Variants in ADGRF5 observed in about 807,000 individuals in gnomAD.
ADGRF5 encodes the protein adhesion G protein-coupled receptor F5, also known as G-protein coupled receptor 116.
In ADGRF5, 75 loss-of-function variants were observed where a neutral mutation model predicts 132.3. The ratio of observed to expected loss-of-function variants is 0.57; its 90% CI spans 0.47 to 0.69. The LOEUF (loss-of-function observed/expected upper bound fraction) is 0.69. ADGRF5 is among the 30% of genes least tolerant of loss of function. The pLI is 0.00. For missense variants in ADGRF5, 1,516 were observed against 1,630.6 expected (o/e 0.93, Z 1.21); for synonymous variants, 629 against 597.6 (o/e 1.05, Z -0.77).
intron 1 of ADGRF5, among the ~76,000 whole-genome samples, chr6:46,953,737 G>T (rs1043202366): frequency 7.1e-6 from 1 of 140,296 alleles, no homozygotes; most frequent in South Asian, 2.3e-4. Context: ...CAAGACCCCT[G>T]TAGCAGGGTA....
chr6:46,862,283 G>A (rs1282043866), intron 15 of ADGRF5, among the ~76,000 whole-genome samples: 1 of 152,140 alleles, frequency 6.6e-6, no homozygotes, highest in Non-Finnish European at 1.5e-5. Context: ...AATTTTAGGA[G>A]TCTAACAACA....
At chr6:46,953,596 G>A (rs113416477) in intron 1 of ADGRF5, among the ~76,000 whole-genome samples, 11 of 135,236 alleles carry the variant, frequency 8.1e-5, no homozygotes, top group African/African-American at 2.2e-4. Flanking sequence ...CAGGCTGGGC[G>A]ACAGAGTGAG....
At chr6:46,935,791 A>G (rs1175766375) in intron 1 of ADGRF5, among the ~76,000 whole-genome samples, 2 of 152,184 alleles carry the variant, frequency 1.3e-5, no homozygotes, top group African/African-American at 4.8e-5. Flanking sequence ...CCAAGCCTCC[A>G]GGGTCACCTG....
At chr6:46,861,034 G>T in intron 15 of ADGRF5, 140 bp from the exon 16 acceptor site, 2 of 632,256 alleles carry the variant, frequency 3.2e-6, no homozygotes, top group East Asian at 5.5e-5. Flanking sequence ...CCCATAAGAT[G>T]ATGTGCTTAT....
At chr6:46,863,568 C>T (rs1381811222) in intron 14 of ADGRF5, among the ~76,000 whole-genome samples, 1 of 152,142 alleles carries the variant, frequency 6.6e-6, no homozygotes, top group Non-Finnish European at 1.5e-5. Context: ...ATATTCTAAT[C>T]AATATGTTTA....
At chr6:46,875,430 T>C (rs1056239836) in intron 10 of ADGRF5, among the ~76,000 whole-genome samples, 1 of 152,234 alleles carries the variant, frequency 6.6e-6, no homozygotes, top group African/African-American at 2.4e-5. Context: ...TGATGGTACC[T>C]GCTTTGCAAG....
intron 1 of ADGRF5, among the ~76,000 whole-genome samples, chr6:46,952,276 T>C (rs966256657): frequency 8.5e-5 from 13 of 152,182 alleles, no homozygotes; most frequent in Admixed American, 7.2e-4. Flanking sequence ...TCAGTTTTCC[T>C]TAATACTTCC....
chr6:46,942,764 T>C (rs1289172069), intron 1 of ADGRF5, among the ~76,000 whole-genome samples: 1 of 152,220 alleles, frequency 6.6e-6, no homozygotes, highest in African/African-American at 2.4e-5. Flanking sequence ...TCTAGACTGC[T>C]AATATTTCTT....
At chr6:46,877,281 TTC>T (rs1347391362) in intron 10 of ADGRF5, among the ~76,000 whole-genome samples, 1 of 55,560 alleles carries the variant, frequency 1.8e-5, no homozygotes, top group Non-Finnish European at 3.6e-5. Flanking sequence ...CTTTCTTTCT[TTC>T]TTTCTTTCTC....
Position 46,914,234 on chromosome 6 carries a change from C to G in ADGRF5, c.-24-7448G>C, listed in dbSNP as rs868744878. ...GATAGAATGCCATCAGCAACCTACT[C>G]CCTGAACTGTAGAAGTACAGATTAA... On this transcript the variant is annotated intron_variant, in intron 1 of 20. Coordinates refer to ENST00000283296, the MANE Select transcript of ADGRF5 (RefSeq NM_001098518.2). Among the ~76,000 whole-genome samples the G allele has an allele frequency of 2.0e-5, 3 of 152,176 alleles. No individual in the cohort carries two copies. The South Asian group carries it at 6.2e-4, about 31-fold the overall frequency.
At chr6:46,923,937 A>G (rs1463205075), upstream of ADGRF5, among the ~76,000 whole-genome samples, 3 of 152,186 alleles carry the variant, frequency 2.0e-5, no homozygotes, top group Admixed American at 1.3e-4. Context: ...CTGAACCCAA[A>G]TTTCTTGAAC....
chr6:46,894,806 G>A (rs1287132528), intron 3 of ADGRF5, among the ~76,000 whole-genome samples: 2 of 152,190 alleles, frequency 1.3e-5, no homozygotes, highest in African/African-American at 4.8e-5. Flanking sequence ...GCATATAGTT[G>A]CCAGTAAAAT....
chr6:46,863,427 C>T, intron 14 of ADGRF5: 1 of 418,834 alleles, frequency 2.4e-6, no homozygotes, highest in South Asian at 1.9e-5. Context: ...TCGGAATCGT[C>T]AGAGCGGGAT....
At position 46,878,363 on chromosome 6, in the gene ADGRF5, T is replaced by C; in HGVS notation, c.1079A>G (p.Glu360Gly). The change falls in exon 10 of 21, where the codon GAG (glutamate) becomes GGG (glycine). Residue 360 changes from glutamate (E) to glycine (G), a missense_variant. By Grantham distance (98) the Glu-to-Gly change is moderately conservative. This residue lies in a region of ADGRF5 where 945 missense variants were observed against 929.4 expected (regional missense o/e 1.02). Coordinates refer to ENST00000283296, the MANE Select transcript of ADGRF5 (RefSeq NM_001098518.2). ...CKLILDIFEYECKKKIDVMPI... is the reference protein window; with the variant it reads ...CKLILDIFEYGCKKKIDVMPI... ...CATAACATCTATTTTCTTCTTGCAC[T>C]CATATTCAAAAATGTCTAATATCAG... 1 of 1,612,308 alleles carries C rather than the reference T, an allele frequency of 6.2e-7. No homozygotes were observed. Among genetic ancestry groups the C allele is most frequent in the Non-Finnish European group, 8.5e-7 (1 of 1,178,424 alleles).
At chr6:46,899,524 A>C (rs1025147419) in intron 3 of ADGRF5, among the ~76,000 whole-genome samples, 13 of 152,208 alleles carry the variant, frequency 8.5e-5, no homozygotes, top group Non-Finnish European at 1.3e-4. Flanking sequence ...CTAACCCTCC[A>C]AAGGGCTGAG....
At chr6:46,915,108 G>A (rs560407110) in intron 1 of ADGRF5, among the ~76,000 whole-genome samples, 53 of 151,754 alleles carry the variant, frequency 3.5e-4, no homozygotes, top group Non-Finnish European at 6.5e-4. Context: ...CGCCCATCTC[G>A]GCCTCCCAAA....
chr6:46,874,910 C>G (rs2150819620), intron 10 of ADGRF5, among the ~76,000 whole-genome samples: 1 of 152,328 alleles, frequency 6.6e-6, no homozygotes, highest in Non-Finnish European at 1.5e-5. Flanking sequence ...TTACTGGCAT[C>G]TTGTAGGTAC....
intron 1 of ADGRF5, among the ~76,000 whole-genome samples, chr6:46,935,338 T>C (rs1396783486): frequency 6.6e-6 from 1 of 152,120 alleles, no homozygotes; most frequent in Non-Finnish European, 1.5e-5. Context: ...AGTTTTATTG[T>C]TGATTTCAAA....
chr6:46,905,412 G>A (rs1169781411), intron 2 of ADGRF5: 1 of 151,632 alleles, frequency 6.6e-6, no homozygotes. Context: ...ATGGAAAGAG[G>A]AAGAAAGTAC....
Sources: gnomAD v4.1 joint callset for allele counts (sites outside exome capture counted in the v4.1 genomes callset) on GRCh38, gnomAD v4.1.1 for gene constraint, gnomAD v4.1.1 regional missense constraint, MANE v1.5 for transcripts, NCBI Gene and HGNC (gene_info 2026-07-23, HGNC 2026-07-21) for gene names.